The following JMY variants were observed in gnomAD, a reference collection of about 807,000 sequenced individuals.
The protein encoded by JMY is junction mediating and regulatory protein, p53 cofactor, also known as junction-mediating and -regulatory protein.
Under a neutral mutation model 103.3 loss-of-function variants are expected in JMY, and 46 were observed. The ratio of observed to expected loss-of-function variants is 0.45; its 90% CI spans 0.35 to 0.57. JMY has a LOEUF of 0.57. JMY is among the 20% of genes least tolerant of loss of function. The pLI, the probability that JMY is intolerant of heterozygous loss-of-function variation, is 0.00. For missense variants in JMY, 1,238 were observed against 1,255.2 expected, an observed-to-expected ratio of 0.99 and a Z score of 0.21; for synonymous variants, 526 against 489.3, an observed-to-expected ratio of 1.07 and a Z score of -0.99.
chr5:79,285,430 G>C (rs1746239623), intron 2 of JMY, among the ~76,000 whole-genome samples: 1 of 152,160 alleles, frequency 6.6e-6, no homozygotes, highest in Non-Finnish European at 1.5e-5. Context: ...TTATTGTGCA[G>C]GGTGCAGTTT....
At chr5:79,263,986 C>G (rs1350875953) in intron 1 of JMY, among the ~76,000 whole-genome samples, 2 of 151,864 alleles carry the variant, frequency 1.3e-5, no homozygotes, top group African/African-American at 2.4e-5. Context: ...GGGGTTTCAC[C>G]ATGTTGGCCA....
At position 79,246,182 on chromosome 5, in the gene JMY, G is replaced by T. The variant is rs1580326489; in HGVS notation, c.1032+8500G>T. 2.6e-5 allele frequency among the ~76,000 whole-genome samples: 4 copies of T among 152,104 alleles called. No individual in the cohort carries two copies. The South Asian group carries it at 6.2e-4, about 24-fold the overall frequency. The stretch of plus-strand genomic sequence containing the variant: ...AGTATTAAAACTGCTTTTCCGATCA[G>T]TTTTTGATAACTGAAAGTTATACTT... On this transcript the variant is annotated intron_variant, in intron 1 of 10. Transcript: ENST00000396137.
At chr5:79,239,674 G>A (rs1488556309) in intron 1 of JMY, among the ~76,000 whole-genome samples, 1 of 151,984 alleles carries the variant, frequency 6.6e-6, no homozygotes, top group Non-Finnish European at 1.5e-5. Flanking sequence ...AGCCGGGTGT[G>A]GTGGCGGGCA....
intron 2 of JMY, among the ~76,000 whole-genome samples, chr5:79,285,621 A>G (rs948957429): frequency 1.3e-5 from 2 of 151,826 alleles, no homozygotes; most frequent in African/African-American, 2.4e-5. Context: ...AGAATCTCTC[A>G]ACAATATTTG....
intron 1 of JMY, among the ~76,000 whole-genome samples, chr5:79,251,538 T>C (rs183021960): frequency 6.6e-6 from 1 of 152,222 alleles, no homozygotes; most frequent in East Asian, 1.9e-4. Context: ...TTGTCCTTTG[T>C]TTTGCAAACA....
intron 1 of JMY, among the ~76,000 whole-genome samples, chr5:79,277,217 A>G (rs1745966719): frequency 6.6e-6 from 1 of 152,120 alleles, no homozygotes. Flanking sequence ...ATGTTTTTGT[A>G]TGTCCAGCTC....
At chr5:79,248,839 G>A (rs1001897203) in intron 1 of JMY, among the ~76,000 whole-genome samples, 7 of 151,902 alleles carry the variant, frequency 4.6e-5, no homozygotes, top group Non-Finnish European at 7.4e-5. Flanking sequence ...ACTGTATGTA[G>A]CCTTGATCTC....
chr5:79,262,132 A>T (rs924617271), intron 1 of JMY, among the ~76,000 whole-genome samples: 1 of 152,116 alleles, frequency 6.6e-6, no homozygotes, highest in African/African-American at 2.4e-5. Flanking sequence ...TTGTGGTTGT[A>T]TTCTCATTCA....
At chr5:79,270,614 G>GTTTATATAAAATATATTTACATAAATA (rs70975743) in intron 1 of JMY, among the ~76,000 whole-genome samples, 1,394 of 51,276 alleles carry the variant, frequency 0.027, 466 homozygotes, top group African/African-American at 0.094. Flanking sequence ...TTACATAAAT[G>GTTTATATAAAATATATTTACATAAATA]TTTATATAAA....
In JMY at chr5:79,322,998, T is replaced by C. The variant is rs1747509690; in HGVS notation, c.*1396T>C. ...AAAAGAAATGCTCACACCTTTGTTA[T>C]TTTAAAGTGTTTTCTTGAAAATAAT... On this transcript the variant is annotated 3_prime_UTR_variant, in exon 11 of 11. Transcript: ENST00000396137. 6.6e-6 allele frequency: 1 copy of C among 152,264 alleles called. No homozygotes were observed. The highest frequency in any genetic ancestry group is 1.5e-5 in the Non-Finnish European group (1 of 68,042). 9.4% of individuals were successfully genotyped at this position (152,264 alleles called of 1,614,324 possible). A position where few individuals can be genotyped will look rare whatever the true frequency, so the allele number is the denominator to read the frequency against.
At chr5:79,247,975 C>G (rs1164902713) in intron 1 of JMY, among the ~76,000 whole-genome samples, 35 of 151,338 alleles carry the variant, frequency 2.3e-4, no homozygotes, top group Admixed American at 2.2e-3. Flanking sequence ...TCACTGCAAC[C>G]TCCACCTCCC....
At chr5:79,287,311 G>A (rs1746297557) in intron 2 of JMY, among the ~76,000 whole-genome samples, 1 of 152,164 alleles carries the variant, frequency 6.6e-6, no homozygotes, top group South Asian at 2.1e-4. Context: ...AATGTGATTT[G>A]CACTCTCAAA....
chr5:79,256,097 AC>A (rs1430914014), intron 1 of JMY, among the ~76,000 whole-genome samples: 1 of 152,216 alleles, frequency 6.6e-6, no homozygotes, highest in Non-Finnish European at 1.5e-5. Context: ...TTGGAAGTCT[AC>A]CTGGTGTTCT....
chr5:79,255,416 G>T (rs1313957041), intron 1 of JMY, among the ~76,000 whole-genome samples: 3 of 152,074 alleles, frequency 2.0e-5, no homozygotes, highest in Admixed American at 6.6e-5. Flanking sequence ...TGTTTCTATA[G>T]GATTGGTTCC....
At chr5:79,256,885 T>C (rs1254434842) in intron 1 of JMY, among the ~76,000 whole-genome samples, 1 of 151,748 alleles carries the variant, frequency 6.6e-6, no homozygotes, top group Non-Finnish European at 1.5e-5. Flanking sequence ...GCCTCCCTAG[T>C]AACTAGCCGA....
rs1314535522 is a variant in JMY, at chr5:79,236,797, G to A, written c.147G>A (p.Arg49=). 21 of 1,510,350 alleles carry A rather than the reference G, an allele frequency of 1.4e-5. No homozygotes were observed. Among genetic ancestry groups the A allele is most frequent in the Non-Finnish European group, 1.4e-5 (16 of 1,127,810 alleles). The allele number at this position is 1,510,350 out of a possible 1,614,324, so 93.6% of individuals were successfully genotyped here. A position where few individuals can be genotyped will look rare whatever the true frequency, so the allele number is the denominator to read the frequency against. Residue 49 remains arginine, a synonymous_variant, in exon 1 of 11, where the codon CGG becomes CGA. Transcript: ENST00000396137. ...AGTTTGCCATAACCTGCCACAACCG[G>A]ACGGCCCAGAGGCAGAGGAGCGGCT... ...EGKFAITCHN[R]TAQRQRSGSR... is the part of the protein sequence containing the mutation.
At chr5:79,268,113 C>G (rs978861941) in intron 1 of JMY, among the ~76,000 whole-genome samples, 3 of 152,098 alleles carry the variant, frequency 2.0e-5, no homozygotes, top group African/African-American at 7.2e-5. Context: ...TGTGGTGGTG[C>G]GCACCTGTAG....
chr5:79,237,820 C>T, intron 1 of JMY, 138 bp downstream of exon 1: 2 of 697,524 alleles, frequency 2.9e-6, no homozygotes, highest in East Asian at 2.7e-5. Flanking sequence ...AGAGGGGTTC[C>T]TGATCTACCT....
At position 79,316,322 on chromosome 5, in the gene JMY, T is replaced by C; in HGVS notation, c.*3+12T>C. On this transcript the variant is annotated intron_variant, in intron 10 of 10. Coordinates refer to ENST00000396137, the MANE Select transcript of JMY (RefSeq NM_152405.5). ...GGGAGAACTAACAAGTAAACGGCCT[T>C]ATTGTCTTTAGTAGCATTCAGTAAT... is the stretch of plus-strand genomic sequence containing the variant. 1 of 1,583,418 alleles carries C rather than the reference T, an allele frequency of 6.3e-7. No homozygotes were observed. Among genetic ancestry groups the C allele is most frequent in the South Asian group, 1.1e-5 (1 of 87,358 alleles).
Sources: allele counts gnomAD v4.1 joint callset (sites outside exome capture counted in the v4.1 genomes callset), GRCh38; gene constraint gnomAD v4.1.1; transcripts MANE v1.5; gene names NCBI Gene and HGNC (gene_info 2026-07-23, HGNC 2026-07-21).